The following PRR5 variants were observed in gnomAD, a reference collection of about 807,000 sequenced individuals.
The protein encoded by PRR5 is proline-rich protein 5.
A neutral mutation model predicts 30.6 loss-of-function variants in PRR5; 25 were observed. The observed-to-expected ratio is 0.82, with a 90% confidence interval of 0.60 to 1.14. PRR5 has a LOEUF of 1.14. PRR5 is among the 50% of genes most tolerant of loss of function. PRR5 has a pLI of 0.00. For missense variants in PRR5, 600 were observed against 547.1 expected (o/e 1.10, Z -0.96); for synonymous variants, 286 against 247.1 (o/e 1.16, Z -1.48).
At chr22:44,721,366 T>C (rs1006334349) in intron 2 of PRR5, among the ~76,000 whole-genome samples, 3 of 152,048 alleles carry the variant, frequency 2.0e-5, no homozygotes, top group Non-Finnish European at 2.9e-5. Flanking sequence ...ATCAGTGTGA[T>C]TGGTTGCAGA....
intron 1 of PRR5, among the ~76,000 whole-genome samples, chr22:44,684,917 C>T (rs1185196586): frequency 6.6e-6 from 1 of 152,206 alleles, no homozygotes; most frequent in Non-Finnish European, 1.5e-5. Context: ...TTACTGCCCT[C>T]TTGTGGCTCT....
intron 4 of PRR5, chr22:44,731,456 A>G: frequency 1.9e-6 from 1 of 531,250 alleles, no homozygotes; most frequent in Non-Finnish European, 3.4e-6. Flanking sequence ...CCCTGAGCCA[A>G]GTTCCCTGTG....
intron 2 of PRR5, among the ~76,000 whole-genome samples, chr22:44,719,089 C>CT (rs5845664): frequency 0.37 from 53,662 of 144,476 alleles, 9,935 homozygotes; most frequent in South Asian, 0.55. Flanking sequence ...TTTGCATAAT[C>CT]TTTTTTTTTT....
chr22:44,721,462 A>G (rs1183756155), intron 2 of PRR5, among the ~76,000 whole-genome samples: 1 of 152,224 alleles, frequency 6.6e-6, no homozygotes, highest in Non-Finnish European at 1.5e-5. Context: ...AGCTGAAGTT[A>G]CAAAGTTATA....
At chr22:44,731,094 G>T (rs1921873583) in intron 4 of PRR5, 6 of 297,816 alleles carry the variant, frequency 2.0e-5, no homozygotes, top group South Asian at 1.6e-4. Flanking sequence ...GCTTAGCCGG[G>T]TTGTTAGGAG....
Position 44,737,310 on chromosome 22 carries a change from CGTGT to C in PRR5, c.*69_*72del. On this transcript the variant is annotated 3_prime_UTR_variant, in exon 8 of 8. Coordinates refer to ENST00000336985, the MANE Select transcript of PRR5 (RefSeq NM_181333.4). ...CCTGTGTGCGGGGGTGTCCATGTGG[CGTGT>C]GTGTGAGTGAGACTTTTTTACTGCG... 6.5e-7 allele frequency: 1 copy of C among 1,533,058 alleles called. No individual in the cohort carries two copies. Among genetic ancestry groups the C allele is most frequent in the South Asian group, 1.2e-5 (1 of 80,844 alleles). 95.0% of individuals were successfully genotyped at this position (1,533,058 alleles called of 1,614,324 possible). A position where few individuals can be genotyped will look rare whatever the true frequency, so the allele number is the denominator to read the frequency against.
chr22:44,702,907 C>T (rs1161740456), intron 1 of PRR5, among the ~76,000 whole-genome samples: 1 of 152,232 alleles, frequency 6.6e-6, no homozygotes, highest in African/African-American at 2.4e-5. Context: ...GCCTCCTACC[C>T]GGGGTCTTTC....
intron 1 of PRR5, among the ~76,000 whole-genome samples, chr22:44,670,579 G>C (rs559211194): frequency 6.6e-6 from 1 of 152,368 alleles, no homozygotes; most frequent in African/African-American, 2.4e-5. Flanking sequence ...GCCGTGAGAA[G>C]GGCTGGCACT....
At chr22:44,716,447 G>A (rs539956396) in intron 2 of PRR5, among the ~76,000 whole-genome samples, 1 of 152,208 alleles carries the variant, frequency 6.6e-6, no homozygotes, top group Non-Finnish European at 1.5e-5. Flanking sequence ...AAGGTAGGGG[G>A]ATCGCTAGAG....
chr22:44,712,228 G>A (rs1321078339), intron 1 of PRR5, among the ~76,000 whole-genome samples: 1 of 152,184 alleles, frequency 6.6e-6, no homozygotes, highest in Non-Finnish European at 1.5e-5. Context: ...GAGCATTCCG[G>A]TGCAGTCGGG....
intron 1 of PRR5, among the ~76,000 whole-genome samples, chr22:44,685,675 C>T (rs1469365149): frequency 6.6e-6 from 1 of 151,980 alleles, no homozygotes; most frequent in Non-Finnish European, 1.5e-5. Flanking sequence ...TCACAGCCAC[C>T]GTGACTCTGC....
Position 44,680,710 on chromosome 22 carries a change from G to A in PRR5, c.-11+3470G>A, listed in dbSNP as rs7289354. 4.5e-3 allele frequency among the ~76,000 whole-genome samples: 688 copies of A among 151,622 alleles called. 8 individuals are homozygous for A. Among genetic ancestry groups the A allele is most frequent in the African/African-American group, 0.016 (658 of 41,410 alleles). ...TCCCCTGGTTGGGAGAGTAGGGGACGGACATCTGGCCTGAGACCCCCCCAC... is the reference window on the plus strand; with the variant it reads ...TCCCCTGGTTGGGAGAGTAGGGGACAGACATCTGGCCTGAGACCCCCCCAC... On this transcript the variant is annotated intron_variant, in intron 1 of 8. Transcript: ENST00000006251.
At chr22:44,692,885 A>G (rs892728947) in intron 1 of PRR5, among the ~76,000 whole-genome samples, 3 of 152,176 alleles carry the variant, frequency 2.0e-5, no homozygotes, top group Non-Finnish European at 4.4e-5. Context: ...GGCCAGGCAC[A>G]GCTGGGTGGT....
rs1021055725 is a variant in PRR5 at position 44,732,150 on chromosome 22, G to T, written c.415-101G>T. 3 of 1,544,018 alleles carry T rather than the reference G, an allele frequency of 1.9e-6. No homozygotes were observed. In the African/African-American group the frequency reaches 4.0e-5, roughly 21 times the overall value. ...GAGAACGGGGTGGAGGGGCCTGAGG[G>T]TCGGCAGGTCTCTTCCCCCTGTGGG... is the stretch of plus-strand genomic sequence containing the variant. On this transcript the variant is annotated intron_variant, in intron 5 of 7. Transcript: ENST00000336985.
intron 2 of PRR5, among the ~76,000 whole-genome samples, chr22:44,718,088 C>G (rs1329216361): frequency 1.3e-5 from 2 of 152,128 alleles, no homozygotes; most frequent in South Asian, 4.1e-4. Context: ...TCGCATCCAC[C>G]TCGGCTGATG....
chr22:44,702,581 G>C lies in PRR5; in HGVS notation c.107G>C (p.Arg36Pro). Reference sequence around the variant, plus strand: ...GACGAGCGGGGCACGCAGCAGCGCCGGGCCTGCGCCAACGCCACCTGGAAC... The same window carrying C: ...GACGAGCGGGGCACGCAGCAGCGCCCGGCCTGCGCCAACGCCACCTGGAAC... ...AADERGTQQR[R>P]ACANATWNSI... The change falls in exon 1 of 8, where the codon CGG becomes CCG. Residue 36 changes from arginine to proline, a missense_variant. Physicochemically the swap from Arg to Pro is moderately radical, Grantham distance 103 (BLOSUM62 -2). Transcript: ENST00000336985. 1.4e-6 allele frequency: 2 copies of C among 1,390,238 alleles called. No individual in the cohort carries two copies. The highest frequency in any genetic ancestry group is 3.1e-5 in the East Asian group (1 of 32,244). 86.1% of individuals were successfully genotyped at this position (1,390,238 alleles called of 1,614,324 possible).
At chr22:44,671,259 A>G (rs1262082062) in intron 1 of PRR5, among the ~76,000 whole-genome samples, 1 of 152,232 alleles carries the variant, frequency 6.6e-6, no homozygotes, top group Non-Finnish European at 1.5e-5. Context: ...TAGAGGCAAG[A>G]AATGTGAATC....
At chr22:44,730,923 C>T in intron 4 of PRR5, 1 of 457,680 alleles carries the variant, frequency 2.2e-6, no homozygotes, top group Non-Finnish European at 4.5e-6. Flanking sequence ...GCTCAGTGTC[C>T]CACTTCCCTG....
At chr22:44,712,034 T>C (rs1046497362) in intron 1 of PRR5, among the ~76,000 whole-genome samples, 5 of 151,996 alleles carry the variant, frequency 3.3e-5, no homozygotes, top group Non-Finnish European at 7.4e-5. Context: ...GTTGTGGGGC[T>C]GGGGCCACCC....
Sources: gnomAD v4.1 joint callset for allele counts (sites outside exome capture counted in the v4.1 genomes callset) on GRCh38, gnomAD v4.1.1 for gene constraint, MANE v1.5 for transcripts, NCBI Gene and HGNC (gene_info 2026-07-23, HGNC 2026-07-21) for gene names.